The following CDH13 variants were observed in gnomAD, a reference collection of about 807,000 sequenced individuals.
CDH13 encodes the protein cadherin 13.
In CDH13, 24 loss-of-function variants were observed where a neutral mutation model predicts 63.8. The observed-to-expected ratio is 0.38, with a 90% CI of 0.27 to 0.53. The LOEUF (loss-of-function observed/expected upper bound fraction) is 0.53, where lower values mean the gene tolerates loss of function less well. Ranked by LOEUF, CDH13 falls within the 20% of genes least tolerant of loss-of-function variation. CDH13 has a pLI of 0.85. For missense variants in CDH13, 1,049 were observed against 903.1 expected (o/e 1.16, Z -2.07); for synonymous variants, 503 against 355.3 (o/e 1.42, Z -4.67).
At chr16:83,396,594 A>G (rs1336049849) in intron 6 of CDH13, 1 of 152,100 alleles carries the variant, frequency 6.6e-6, no homozygotes, top group Admixed American at 6.5e-5. Flanking sequence ...TGTTGGCTTT[A>G]CCTGAACTCT....
chr16:83,717,805 A>G (rs1311821781), intron 10 of CDH13: 1 of 152,152 alleles, frequency 6.6e-6, no homozygotes, highest in Admixed American at 6.5e-5. Context: ...TTAAAATCTT[A>G]CCGTGCACGT....
chr16:83,711,122 C>T (rs946659831), intron 10 of CDH13, among the ~76,000 whole-genome samples: 2 of 152,186 alleles, frequency 1.3e-5, no homozygotes, highest in South Asian at 2.1e-4. Context: ...ACAACTAAAG[C>T]TGTCCCTTCT....
chr16:83,156,590 G>T (rs779953825), intron 4 of CDH13, among the ~76,000 whole-genome samples: 1 of 152,106 alleles, frequency 6.6e-6, no homozygotes, highest in Non-Finnish European at 1.5e-5. Flanking sequence ...TGTTTTCAAA[G>T]CCTCCAGATA....
At chr16:83,720,413 G>C (rs1394490526) in intron 10 of CDH13, among the ~76,000 whole-genome samples, 1 of 152,032 alleles carries the variant, frequency 6.6e-6, no homozygotes, top group African/African-American at 2.4e-5. Context: ...AGCATTTATT[G>C]AGCACCTACT....
rs74033103 is a variant in CDH13, at chr16:83,074,024, A to T, written c.366+41806A>T. ...CTAGTCCTCCCCTCTAGCTATTTTGAGATGTACAATACATTGGTGTGAGCT... is the reference window on the plus strand; with the variant it reads ...CTAGTCCTCCCCTCTAGCTATTTTGTGATGTACAATACATTGGTGTGAGCT... On this transcript the variant is annotated intron_variant, in intron 3 of 13. Coordinates refer to ENST00000567109, the MANE Select transcript of CDH13 (RefSeq NM_001257.5). Among the ~76,000 whole-genome samples, 833 of 152,268 alleles carry T rather than the reference A, an allele frequency of 5.5e-3. 11 individuals are homozygous for T. Among genetic ancestry groups the T allele is most frequent in the African/African-American group, 0.019 (782 of 41,564 alleles).
chr16:83,419,028 T>C (rs1041658458), intron 6 of CDH13, among the ~76,000 whole-genome samples: 2 of 152,084 alleles, frequency 1.3e-5, no homozygotes, highest in Non-Finnish European at 2.9e-5. Flanking sequence ...TCATCTGTTT[T>C]CTCAAACAGC....
Position 83,344,957 on chromosome 16 carries a change from C to T in CDH13, c.732C>T (p.Ile244=), listed in dbSNP as rs1474366173. 1.6e-5 allele frequency: 26 copies of T among 1,613,870 alleles called. No homozygotes were observed. The East Asian group carries it at 5.8e-4, about 36-fold the overall frequency. ...TTGATCAGAATGACAACCGACCGAT[C>T]TTTCGGGAAGGCCCCTACATCGGCC... The part of the protein sequence containing the change: ...IVIDQNDNRP[I]FREGPYIGHV... Residue 244 remains isoleucine, a synonymous_variant, in exon 6 of 14, where the codon ATC becomes ATT. Transcript: ENST00000567109.
chr16:82,890,261 C>T (rs137998809), intron 2 of CDH13, among the ~76,000 whole-genome samples: 10 of 152,252 alleles, frequency 6.6e-5, no homozygotes, highest in African/African-American at 2.4e-4. Flanking sequence ...GGCAGGAGAT[C>T]TTCAACAATA....
intron 2 of CDH13, among the ~76,000 whole-genome samples, chr16:83,011,672 G>A (rs775174322): frequency 1.4e-4 from 22 of 152,200 alleles, no homozygotes; most frequent in Non-Finnish European, 3.1e-4. Flanking sequence ...GGGGACACCT[G>A]TGTGATCTTC....
chr16:83,471,335 T>G (rs891829382), intron 6 of CDH13, among the ~76,000 whole-genome samples: 10 of 143,624 alleles, frequency 7.0e-5, no homozygotes, highest in Non-Finnish European at 1.5e-4. Flanking sequence ...AGTGCAGTGG[T>G]ATGATCTCAG....
intron 2 of CDH13, among the ~76,000 whole-genome samples, chr16:83,010,107 G>C (rs12716957): frequency 0.51 from 70,895 of 139,996 alleles, 18,069 homozygotes; most frequent in African/African-American, 0.58. Flanking sequence ...TGCACTCCAG[G>C]CTGGGCAACA....
intron 3 of CDH13, among the ~76,000 whole-genome samples, chr16:83,094,578 G>T (rs1017227703): frequency 6.6e-6 from 1 of 152,184 alleles, no homozygotes; most frequent in African/African-American, 2.4e-5. Flanking sequence ...GAGAGGTGCT[G>T]TCTTCAGCAG....
intron 3 of CDH13, among the ~76,000 whole-genome samples, chr16:83,107,231 C>T (rs1321178178): frequency 6.6e-6 from 1 of 152,060 alleles, no homozygotes; most frequent in African/African-American, 2.4e-5. Context: ...AGCTAAGAGT[C>T]CCGTTGAATT....
intron 7 of CDH13, among the ~76,000 whole-genome samples, chr16:83,507,085 G>A (rs564558525): frequency 6.6e-6 from 1 of 152,180 alleles, no homozygotes; most frequent in African/African-American, 2.4e-5. Context: ...TAAAATTGCT[G>A]CTCATTTCTC....
At chr16:83,765,477 G>A (rs16961699) in intron 11 of CDH13, among the ~76,000 whole-genome samples, 1,706 of 152,072 alleles carry the variant, frequency 0.011, 25 homozygotes, top group African/African-American at 0.038. Flanking sequence ...GAAACCTGGC[G>A]TTATATTATT....
intron 13 of CDH13, among the ~76,000 whole-genome samples, chr16:83,786,264 A>G (rs3785001): frequency 0.14 from 20,791 of 152,220 alleles, 2,469 homozygotes; most frequent in African/African-American, 0.32. Flanking sequence ...TGAGCTTCTC[A>G]TTGGCTTGCC....
At chr16:82,895,262 T>C (rs2041212958) in intron 2 of CDH13, among the ~76,000 whole-genome samples, 1 of 152,142 alleles carries the variant, frequency 6.6e-6, no homozygotes, top group Non-Finnish European at 1.5e-5. Flanking sequence ...TCTAAAAATT[T>C]ACCTTTTTTG....
chr16:83,159,695 C>G (rs969242922), intron 4 of CDH13, among the ~76,000 whole-genome samples: 1 of 152,188 alleles, frequency 6.6e-6, no homozygotes, highest in Non-Finnish European at 1.5e-5. Context: ...ACGTACATGG[C>G]ATCCATTTAA....
At chr16:83,370,098 A>G (rs1334855189) in intron 6 of CDH13, among the ~76,000 whole-genome samples, 2 of 152,084 alleles carry the variant, frequency 1.3e-5, no homozygotes, top group Admixed American at 1.3e-4. Context: ...TAAAACTTTC[A>G]TATCGTTGGC....
Sources: gnomAD v4.1 joint callset for allele counts (sites outside exome capture counted in the v4.1 genomes callset) on GRCh38, gnomAD v4.1.1 for gene constraint, MANE v1.5 for transcripts, NCBI Gene and HGNC (gene_info 2026-07-23, HGNC 2026-07-21) for gene names.